The following RBFOX1 variants were observed in gnomAD, a reference collection of about 807,000 sequenced individuals.
RBFOX1 encodes RNA binding fox-1 homolog 1.
RBFOX1 carries 8 observed loss-of-function variants against 57.7 expected under a neutral mutation model. That is an observed-to-expected ratio of 0.14 (90% CI 0.08 to 0.25). The LOEUF (loss-of-function observed/expected upper bound fraction) is 0.25. Ranked by LOEUF, RBFOX1 falls within the 10% of genes least tolerant of loss-of-function variation. RBFOX1 has a pLI of 1.00. For synonymous variants in RBFOX1, 326 were observed against 222.4 expected (o/e 1.47, Z -4.15); for missense variants, 611 against 548.5 (o/e 1.11, Z -1.14).
rs144652013 is a variant in RBFOX1, at chr16:6,553,547, T to C, written c.-63-101056T>C. ...AAACCTACCACCCAATATCCAATTGTCACCAAGTCTATCTAATCACATCTT... is the reference window on the plus strand; with the variant it reads ...AAACCTACCACCCAATATCCAATTGCCACCAAGTCTATCTAATCACATCTT... On this transcript the variant is annotated intron_variant, in intron 2 of 15. Transcript: ENST00000550418. Among the ~76,000 whole-genome samples, 697 of 152,316 alleles carry C rather than the reference T, an allele frequency of 4.6e-3. 3 individuals carry two copies. The highest frequency in any genetic ancestry group is 0.014 in the Middle Eastern group (4 of 294).
chr16:7,411,737 C>T (rs1002849674), intron 4 of RBFOX1, among the ~76,000 whole-genome samples: 1 of 152,024 alleles, frequency 6.6e-6, no homozygotes, highest in African/African-American at 2.4e-5. Context: ...AACCCCGTCT[C>T]TATTAAAATG....
chr16:7,613,968 C>A lies in RBFOX1; in HGVS notation c.676+6630C>A, dbSNP rs138743002. On this transcript the variant is annotated intron_variant, in intron 10 of 15. Transcript: ENST00000550418. The stretch of plus-strand genomic sequence containing the variant: ...AAAAGTCCTAGGTATAAAGCATGCC[C>A]TGTTTGGGATGAAAGAGCACAGTGT... Among the ~76,000 whole-genome samples, 7 of 152,276 alleles carry A rather than the reference C, an allele frequency of 4.6e-5. No individual in the cohort carries two copies. In the East Asian group the frequency reaches 1.4e-3, roughly 29 times the overall value.
intron 14 of RBFOX1, among the ~76,000 whole-genome samples, chr16:7,696,074 A>G (rs2078711746): frequency 6.6e-6 from 1 of 152,194 alleles, no homozygotes; most frequent in Admixed American, 6.5e-5. Context: ...TCTTGTGTCG[A>G]GAGTGCCAAC....
intron 4 of RBFOX1, among the ~76,000 whole-genome samples, chr16:5,928,012 G>A (rs1227245379): frequency 1.3e-5 from 2 of 152,214 alleles, no homozygotes; most frequent in Non-Finnish European, 2.9e-5. Context: ...GTGTTTTAGT[G>A]ATCTGTGGCA....
chr16:6,624,963 G>A (rs1429576003), intron 2 of RBFOX1, among the ~76,000 whole-genome samples: 1 of 151,890 alleles, frequency 6.6e-6, no homozygotes, highest in Non-Finnish European at 1.5e-5. Context: ...TCAGGAGTTT[G>A]AGACCAGCCT....
chr16:6,659,251 C>G (rs567359475), intron 3 of RBFOX1, among the ~76,000 whole-genome samples: 1 of 76,164 alleles, frequency 1.3e-5, no homozygotes, highest in Admixed American at 1.4e-4. Context: ...TTTATAAACA[C>G]AGACAGGGCT....
chr16:6,347,978 G>T (rs2085663304), intron 2 of RBFOX1, among the ~76,000 whole-genome samples: 2 of 152,210 alleles, frequency 1.3e-5, no homozygotes, highest in South Asian at 2.1e-4. Context: ...AAGAAAGCAG[G>T]AAAACAGGCC....
intron 2 of RBFOX1, among the ~76,000 whole-genome samples, chr16:6,540,310 T>TAAA (rs34562910): frequency 4.1e-5 from 6 of 147,684 alleles, no homozygotes; most frequent in Non-Finnish European, 7.5e-5. Flanking sequence ...TGGCTGGCTG[T>TAAA]AAAAAAAAAA....
intron 3 of RBFOX1, among the ~76,000 whole-genome samples, chr16:6,870,874 T>A (rs376789467): frequency 7.9e-5 from 12 of 152,190 alleles, no homozygotes; most frequent in African/African-American, 2.2e-4. Context: ...GCCCTAACTT[T>A]GAGAGACTTG....
intron 4 of RBFOX1, among the ~76,000 whole-genome samples, chr16:7,424,338 C>G (rs952018214): frequency 6.6e-6 from 1 of 152,136 alleles, no homozygotes; most frequent in Non-Finnish European, 1.5e-5. Context: ...TTTCTGACTG[C>G]AACCTCTGCA....
chr16:6,674,286 C>T (rs1214039568), intron 3 of RBFOX1, among the ~76,000 whole-genome samples: 4 of 152,024 alleles, frequency 2.6e-5, no homozygotes, highest in Admixed American at 1.3e-4. Context: ...TTGGAGCAGT[C>T]GTAAAACCAA....
chr16:7,274,711 G>T (rs117241100), intron 4 of RBFOX1, among the ~76,000 whole-genome samples: 9 of 151,736 alleles, frequency 5.9e-5, no homozygotes, highest in African/African-American at 9.7e-5. Context: ...TTGAGGCAAG[G>T]TCTCATCCTG....
chr16:7,444,964 A>T (rs2098797109), intron 4 of RBFOX1, among the ~76,000 whole-genome samples: 1 of 152,180 alleles, frequency 6.6e-6, no homozygotes, highest in Admixed American at 6.5e-5. Context: ...GTGTCATATG[A>T]AGAACATGTT....
intron 3 of RBFOX1, among the ~76,000 whole-genome samples, chr16:6,869,947 G>C (rs779698769): frequency 3.2e-4 from 49 of 152,154 alleles, no homozygotes; most frequent in Non-Finnish European, 2.6e-4. Context: ...CTTGGGGACT[G>C]CTTACTAATC....
In RBFOX1 at chr16:6,894,867, C is replaced by A. The variant is rs370647393; in HGVS notation, c.-15-157190C>A. On this transcript the variant is annotated intron_variant, in intron 3 of 15. Transcript: ENST00000550418. ...TTGGGTTTAATTCTCTGCCACAGTT[C>A]TCAAATGGATGTTTCATAAGTAGCA... 1.7e-3 allele frequency among the ~76,000 whole-genome samples: 259 copies of A among 152,236 alleles called. 1 individual carries two copies. The highest frequency in any genetic ancestry group is 5.7e-3 in the African/African-American group (237 of 41,546).
At chr16:5,250,564 C>T (rs577369747) in intron 1 of RBFOX1, among the ~76,000 whole-genome samples, 22 of 152,260 alleles carry the variant, frequency 1.4e-4, no homozygotes, top group Non-Finnish European at 2.9e-4. Context: ...CCTCTGTGCA[C>T]GCAAGCACAT....
intron 2 of RBFOX1, among the ~76,000 whole-genome samples, chr16:6,473,308 C>G (rs1429779657): frequency 6.6e-6 from 1 of 152,138 alleles, no homozygotes; most frequent in East Asian, 1.9e-4. Context: ...TAGTACAAAT[C>G]AGACAGCAAG....
intron 2 of RBFOX1, among the ~76,000 whole-genome samples, chr16:6,596,299 A>G (rs74007905): frequency 0.016 from 2,401 of 152,232 alleles, 52 homozygotes; most frequent in African/African-American, 0.053. Flanking sequence ...ATGTGGTGAG[A>G]TAAGGATTTG....
chr16:5,789,354 G>C (rs1391336360), intron 3 of RBFOX1, among the ~76,000 whole-genome samples: 1 of 152,174 alleles, frequency 6.6e-6, no homozygotes, highest in African/African-American at 2.4e-5. Context: ...CTGAGAAAGG[G>C]ACAGAGACAT....
Sources: gnomAD v4.1 joint callset for allele counts (sites outside exome capture counted in the v4.1 genomes callset) on GRCh38, gnomAD v4.1.1 for gene constraint, MANE v1.5 for transcripts, NCBI Gene and HGNC (gene_info 2026-07-23, HGNC 2026-07-21) for gene names.